Variants in WNK1 observed in about 807,000 individuals in gnomAD.
The protein encoded by WNK1 is serine/threonine-protein kinase WNK1.
In WNK1, 38 loss-of-function variants were observed where a neutral mutation model predicts 222.8. The ratio of observed to expected loss-of-function variants is 0.17; its 90% CI spans 0.13 to 0.22. The LOEUF (loss-of-function observed/expected upper bound fraction) is 0.22, where lower values mean the gene tolerates loss of function less well. Ranked by LOEUF, WNK1 falls within the 10% of genes least tolerant of loss-of-function variation. The pLI is 1.00. For missense variants in WNK1, 2,348 were observed against 2,918.4 expected (o/e 0.80, Z 4.50); for synonymous variants, 1,090 against 1,092.9 (o/e 1.00, Z 0.05).
chr12:871,278 G>A lies in WNK1; in HGVS notation c.2153G>A (p.Ser718Asn), dbSNP rs1952123105. The A allele has an allele frequency of 4.3e-6, 7 of 1,614,042 alleles. No individual in the cohort carries two copies. The highest frequency in any genetic ancestry group is 3.3e-5 in the Admixed American group (2 of 60,000). The change falls in exon 9 of 28, where the codon AGC becomes AAC. Residue 718 changes from serine to asparagine, a missense_variant. By Grantham distance (46) the Ser-to-Asn change is conservative (BLOSUM62 1). This residue lies in a region of WNK1 where 547 missense variants were observed against 558.3 expected (regional missense o/e 0.98). Coordinates refer to ENST00000315939, the MANE Select transcript of WNK1 (RefSeq NM_018979.4). ...YPPSSVAQGQSQGQPSSSSLT... is the reference protein window; with the variant it reads ...YPPSSVAQGQNQGQPSSSSLT... ...TCTTTCCTTCAGGCACAGGGGCAGAGCCAGGGTCAGCCATCCTCAAGTAGC... is the reference window on the plus strand; with the variant it reads ...TCTTTCCTTCAGGCACAGGGGCAGAACCAGGGTCAGCCATCCTCAAGTAGC...
At chr12:788,768 T>C (rs1378823159) in intron 1 of WNK1, among the ~76,000 whole-genome samples, 1 of 151,776 alleles carries the variant, frequency 6.6e-6, no homozygotes, top group East Asian at 1.9e-4. Flanking sequence ...TTGCCTGTAA[T>C]CCCAGCTACC....
At position 883,885 on chromosome 12, in the gene WNK1, G is replaced by A. The variant is rs532533031; in HGVS notation, c.3721+54G>A. 52 of 1,596,756 alleles carry A rather than the reference G, an allele frequency of 3.3e-5. No individual in the cohort carries two copies. In the East Asian group the frequency reaches 7.1e-4, roughly 22 times the overall value. On this transcript the variant is annotated intron_variant, in intron 17 of 27. Coordinates refer to ENST00000315939, the MANE Select transcript of WNK1 (RefSeq NM_018979.4). ...CCTTTGACTTAAGAAGCCATTAGCC[G>A]AGGGTGGTGGCAGGCTTCTGTAGTC...
chr12:895,440 A>G (rs12425736), intron 23 of WNK1, among the ~76,000 whole-genome samples: 14,860 of 151,824 alleles, frequency 0.098, 906 homozygotes, highest in South Asian at 0.17. Context: ...ATTTACTTTT[A>G]TTTTATTTTT....
rs775394703 is a variant in WNK1, at chr12:880,024, T to C, written c.2825T>C (p.Leu942Pro). ...AEVPLSSGDV[L>P]YQGFPPRLPP... Reference sequence around the variant, plus strand: ...GTTCCACTTTCCTCTGGAGATGTTCTGTACCAGGTATTGTGTTAGTTAGCA... The same window carrying C: ...GTTCCACTTTCCTCTGGAGATGTTCCGTACCAGGTATTGTGTTAGTTAGCA... Residue 942 changes from leucine (L) to proline (P), a missense_variant, in exon 11 of 28, where the codon CTG (leucine) becomes CCG (proline). Physicochemically the swap from Leu to Pro is moderately conservative, Grantham distance 98. Transcript: ENST00000315939. 5 of 1,614,012 alleles carry C rather than the reference T, an allele frequency of 3.1e-6. No homozygotes were observed. The highest frequency in any genetic ancestry group is 1.3e-5 in the African/African-American group (1 of 74,940).
rs1445848992 is a variant in WNK1, at chr12:753,257, G to A, written c.-309G>A. 3.5e-5 allele frequency: 12 copies of A among 346,584 alleles called. No homozygotes were observed. The highest frequency in any genetic ancestry group is 2.0e-4 in the African/African-American group (9 of 46,042). The allele number at this position is 346,584 out of a possible 1,614,324, so 21.5% of individuals were successfully genotyped here. The stretch of plus-strand genomic sequence containing the variant: ...GCGCCTCTGCTGCCACCGCCCGCCC[G>A]GCCGCCGCTCGCCGCAGGATGGATG... On this transcript the variant is annotated 5_prime_UTR_variant, in exon 1 of 28. Coordinates refer to ENST00000315939, the MANE Select transcript of WNK1 (RefSeq NM_018979.4). The surrounding 1 kb of genome is among the most constrained non-coding windows in gnomAD (Gnocchi z 5.2).
chr12:882,145 CA>C, intron 14 of WNK1, 72 bp downstream of exon 14: 2 of 1,458,910 alleles, frequency 1.4e-6, no homozygotes, highest in East Asian at 2.5e-5. Flanking sequence ...TAGAGGTCAT[CA>C]AATCCAAACC....
At chr12:840,283 A>G (rs1431476345) in intron 4 of WNK1, among the ~76,000 whole-genome samples, 1 of 133,268 alleles carries the variant, frequency 7.5e-6, no homozygotes, top group Non-Finnish European at 1.6e-5. Context: ...ATGTGCCACC[A>G]TGTCCAGCTT....
rs757737924 is a variant in WNK1, at chr12:753,632, C to G, written c.67C>G (p.Pro23Ala). ...TTCCCTGTTCCTCTCGCCGCCGGCT[C>G]CTGCCCCCAAGAATGGCTCCAGCTC... ...PGSLFLSPPA[P>A]APKNGSSSDS... is the part of the protein sequence containing the mutation. The change falls in exon 1 of 28, where the codon CCT becomes GCT. Residue 23 changes from proline (P) to alanine (A), a missense_variant. Physicochemically the swap from Pro to Ala is conservative, Grantham distance 27. This residue lies in a region of WNK1 where 108 missense variants were observed against 109.7 expected (regional missense o/e 0.98). Coordinates refer to ENST00000315939, the MANE Select transcript of WNK1 (RefSeq NM_018979.4). The surrounding 1 kb of genome is among the most constrained non-coding windows in gnomAD (Gnocchi z 5.2). 1.9e-6 allele frequency: 3 copies of G among 1,612,750 alleles called. No individual in the cohort carries two copies. Among genetic ancestry groups the G allele is most frequent in the East Asian group, 4.5e-5 (2 of 44,862 alleles).
chr12:834,036 G>A (rs1336923553), intron 4 of WNK1, among the ~76,000 whole-genome samples: 1 of 152,116 alleles, frequency 6.6e-6, no homozygotes, highest in African/African-American at 2.4e-5. Flanking sequence ...ACCCTGCTAT[G>A]GATTAGGGAA....
At chr12:777,807 C>T (rs1371900363) in intron 1 of WNK1, among the ~76,000 whole-genome samples, 1 of 152,152 alleles carries the variant, frequency 6.6e-6, no homozygotes, top group East Asian at 1.9e-4. Flanking sequence ...ACCACAGACT[C>T]AGGAAACTTT....
At chr12:886,666 G>A (rs977885013) in intron 19 of WNK1, among the ~76,000 whole-genome samples, 2 of 152,146 alleles carry the variant, frequency 1.3e-5, no homozygotes, top group East Asian at 1.9e-4. Context: ...GCTGTGTTAC[G>A]TCTACTGTAT....
At chr12:894,658 C>T (rs1954582425) in intron 23 of WNK1, 23 bp downstream of exon 23, 6 of 1,607,204 alleles carry the variant, frequency 3.7e-6, no homozygotes, top group Middle Eastern at 1.6e-4. Flanking sequence ...CTTTGTGTTG[C>T]CTTGATTCCT....
chr12:859,692 C>T (rs1445910499), intron 6 of WNK1, among the ~76,000 whole-genome samples: 3 of 145,308 alleles, frequency 2.1e-5, no homozygotes, highest in African/African-American at 5.1e-5. Flanking sequence ...ATTTTATAGT[C>T]CTTTTTAAAA....
intron 1 of WNK1, among the ~76,000 whole-genome samples, chr12:780,478 T>G (rs72647389): frequency 1.9e-4 from 29 of 152,196 alleles, no homozygotes; most frequent in African/African-American, 6.3e-4. Context: ...AAGTGTAGTG[T>G]GTTGCATGCA....
At chr12:871,450 G>C in intron 9 of WNK1, 102 bp downstream of exon 9, 1 of 1,160,880 alleles carries the variant, frequency 8.6e-7, no homozygotes, top group South Asian at 1.3e-5. Flanking sequence ...GTTTTTGAAA[G>C]GAAAATTAAG....
chr12:896,939 C>T lies in WNK1; in HGVS notation c.6245+207C>T, dbSNP rs11832128. ...ACACACACACACACACACACACACA[C>T]GATTCCCAACCACTGACTCACAGGC... On this transcript the variant is annotated intron_variant, in intron 24 of 27. Coordinates refer to ENST00000315939, the MANE Select transcript of WNK1 (RefSeq NM_018979.4). 3.9e-3 allele frequency among the ~76,000 whole-genome samples: 459 copies of T among 117,490 alleles called. 3 individuals carry two copies. The highest frequency in any genetic ancestry group is 0.014 in the African/African-American group (413 of 29,978). The allele number at this position is 117,490 out of a possible 152,430, so 77.1% of individuals were successfully genotyped here.
chr12:873,366 C>T (rs1446433469), intron 9 of WNK1, among the ~76,000 whole-genome samples: 1 of 152,108 alleles, frequency 6.6e-6, no homozygotes, highest in East Asian at 1.9e-4. Flanking sequence ...AGGTAGCTAC[C>T]TCTCCAGGAG....
intron 1 of WNK1, among the ~76,000 whole-genome samples, chr12:785,423 G>T (rs1454553643): frequency 2.3e-5 from 2 of 85,978 alleles, no homozygotes; most frequent in South Asian, 3.7e-4. Context: ...CCCTCGAAGT[G>T]GAGTCTTGCT....
At position 759,423 on chromosome 12, in the gene WNK1, C is replaced by T. The variant is rs899562963; in HGVS notation, c.759+5099C>T. ...TCGGCTCACTGCAACCTCCACCTCC[C>T]GGGTTCCAGCAATGCTCCTGCCTCA... is the stretch of plus-strand genomic sequence containing the variant. On this transcript the variant is annotated intron_variant, in intron 1 of 27. Coordinates refer to ENST00000315939, the MANE Select transcript of WNK1 (RefSeq NM_018979.4). 5.4e-5 allele frequency among the ~76,000 whole-genome samples: 8 copies of T among 147,362 alleles called. 1 individual carries two copies. The highest frequency in any genetic ancestry group is 2.0e-4 in the East Asian group (1 of 5,104).
Sources: allele counts gnomAD v4.1 joint callset (sites outside exome capture counted in the v4.1 genomes callset), GRCh38; gene constraint gnomAD v4.1.1; regional missense constraint gnomAD v4.1.1; non-coding constraint Gnocchi (gnomAD v3.1); transcripts MANE v1.5; gene names NCBI Gene and HGNC (gene_info 2026-07-23, HGNC 2026-07-21).